TXNDC9: variants seen among roughly 807,000 people sequenced by gnomAD.
The protein encoded by TXNDC9 is thioredoxin domain containing 9, also known as thioredoxin domain-containing protein 9.
Under a neutral mutation model 23.0 loss-of-function variants are expected in TXNDC9, and 7 were observed. That is an observed-to-expected ratio of 0.30 (90% confidence interval 0.17 to 0.57). TXNDC9 has a LOEUF of 0.57. Among genes scored for constraint, TXNDC9 ranks in the 20% least tolerant of loss-of-function variants. The probability of loss-of-function intolerance (pLI) is 0.90; values close to 1 mark genes in which losing one functional copy is unlikely to be tolerated. For missense variants in TXNDC9, 198 were observed against 252.6 expected, an observed-to-expected ratio of 0.78 and a Z score of 1.47; for synonymous variants, 72 against 90.6, an observed-to-expected ratio of 0.79 and a Z score of 1.17.
At chr2:99,316,932 A>G (rs538865170), downstream of TXNDC9, among the ~76,000 whole-genome samples, 1 of 151,994 alleles carries the variant, frequency 6.6e-6, no homozygotes, top group South Asian at 2.1e-4. Context: ...AATTTTTTGT[A>G]TTTTTAGTAG....
chr2:99,319,918 G>C (rs2094197530), intron 4 of TXNDC9, 119 bp from the exon 5 acceptor site: 2 of 654,366 alleles, frequency 3.1e-6, no homozygotes, highest in Non-Finnish European at 5.1e-6. Flanking sequence ...TAAAATGCTG[G>C]TGTCAGGGAA....
chr2:99,336,309 C>T lies in TXNDC9; in HGVS notation c.-103G>A. On this transcript the variant is annotated 5_prime_UTR_variant, in exon 1 of 5. Transcript: ENST00000264255. ...AAAGACACGTCCACTCCGGCTTTTG[C>T]CTTGCAGTAGCTGCCGGCGGCTGCA... 1.0e-6 allele frequency: 1 copy of T among 985,534 alleles called. No homozygotes were observed. The highest frequency in any genetic ancestry group is 5.2e-4 in the Middle Eastern group (1 of 1,914). The allele number at this position is 985,534 out of a possible 1,614,324, so 61.0% of individuals were successfully genotyped here. A position where few individuals can be genotyped will look rare whatever the true frequency, so the allele number is the denominator to read the frequency against.
chr2:99,319,005 T>C lies in TXNDC9; in HGVS notation c.*677A>G, dbSNP rs1261982835. 6.6e-6 allele frequency: 1 copy of C among 152,274 alleles called. No homozygotes were observed. The highest frequency in any genetic ancestry group is 1.9e-4 in the East Asian group (1 of 5,200). 9.4% of individuals were successfully genotyped at this position (152,274 alleles called of 1,614,324 possible). ...TGTTTTTGTTGGATGTATGCTTTTA[T>C]GACAATTTCCACATAAACTTCCAGT... is the stretch of plus-strand genomic sequence containing the variant. On this transcript the variant is annotated 3_prime_UTR_variant, in exon 5 of 5. Coordinates refer to ENST00000264255, the MANE Select transcript of TXNDC9 (RefSeq NM_005783.4).
downstream of TXNDC9, among the ~76,000 whole-genome samples, chr2:99,315,211 T>TG (rs1559231202): frequency 6.6e-6 from 1 of 151,848 alleles, no homozygotes; most frequent in Non-Finnish European, 1.5e-5. Context: ...TACAGGCGCA[T>TG]GCCACCATAC....
In TXNDC9 at chr2:99,327,555, G is replaced by A; in HGVS notation, c.288C>T (p.Phe96=). 1 of 1,612,420 alleles carries A rather than the reference G, an allele frequency of 6.2e-7. No homozygotes were observed. The highest frequency in any genetic ancestry group is 8.5e-7 in the Non-Finnish European group (1 of 1,179,058). ...GTTACCTGAATGTGGAGTCTCTGTAGAAATGGCAAACCACATTTTCACTCT... is the reference window on the plus strand; with the variant it reads ...GTTACCTGAATGTGGAGTCTCTGTAAAAATGGCAAACCACATTTTCACTCT... ...VKESENVVCH[F]YRDSTFRCKI... Residue 96 remains phenylalanine, a synonymous_variant, in exon 3 of 5, where the codon TTC becomes TTT. Transcript: ENST00000264255.
chr2:99,317,236 T>C (rs2094191309), downstream of TXNDC9, among the ~76,000 whole-genome samples: 1 of 152,238 alleles, frequency 6.6e-6, no homozygotes, highest in African/African-American at 2.4e-5. Context: ...TGATTGCTTT[T>C]TCGCTCCTTG....
chr2:99,325,773 G>A (rs1435115614), intron 3 of TXNDC9, among the ~76,000 whole-genome samples: 1 of 152,170 alleles, frequency 6.6e-6, no homozygotes, highest in Non-Finnish European at 1.5e-5. Flanking sequence ...CACTTTGGGA[G>A]GCCAAGGTGG....
the TXNDC9 span, among the ~76,000 whole-genome samples, chr2:99,307,106 C>T: frequency 4.9e-5 from 6 of 121,860 alleles, no homozygotes; most frequent in Admixed American, 3.2e-4. Flanking sequence ...CTCTCTCCTT[C>T]TCACTCTCTC....
intron 2 of TXNDC9, 29 bp downstream of exon 2, chr2:99,332,993 A>C (rs1449673669): frequency 6.4e-7 from 1 of 1,568,496 alleles, no homozygotes; most frequent in African/African-American, 1.4e-5. Flanking sequence ...CTGTTATAGC[A>C]ATTTCAGAAA....
intron 2 of TXNDC9, among the ~76,000 whole-genome samples, chr2:99,332,296 A>G (rs1490720931): frequency 2.6e-5 from 4 of 152,156 alleles, no homozygotes; most frequent in African/African-American, 9.7e-5. Context: ...TACAAAACTT[A>G]GCCAGGCATG....
At chr2:99,321,723 G>A (rs560038551) in intron 4 of TXNDC9, 4 of 475,982 alleles carry the variant, frequency 8.4e-6, no homozygotes, top group South Asian at 6.3e-5. Flanking sequence ...TCAGGAGTAC[G>A]GTGAGACTCA....
Position 99,328,734 on chromosome 2 carries a change from G to T in TXNDC9, c.190-1081C>A, listed in dbSNP as rs1049869362. On this transcript the variant is annotated intron_variant, in intron 2 of 4. Transcript: ENST00000264255. ...CTGATGCCTGTAATCCCAGCACCTT[G>T]GGAGGCTGAGGCGGCTGGATCACCT... 2.0e-5 allele frequency among the ~76,000 whole-genome samples: 3 copies of T among 152,128 alleles called. No individual in the cohort carries two copies. The East Asian group carries it at 5.8e-4, about 29-fold the overall frequency.
At chr2:99,318,155 T>C (rs898793274), downstream of TXNDC9, among the ~76,000 whole-genome samples, 1 of 152,354 alleles carries the variant, frequency 6.6e-6, no homozygotes, top group African/African-American at 2.4e-5. Flanking sequence ...CCTCCCCAAG[T>C]GCTGGGATTA....
downstream of TXNDC9, among the ~76,000 whole-genome samples, chr2:99,316,117 CTTTTTT>C (rs57142545): frequency 7.4e-6 from 1 of 135,984 alleles, no homozygotes; most frequent in Admixed American, 7.3e-5. Context: ...ATTTCTTTTT[CTTTTTT>C]TTTTTTTTTT....
intron 3 of TXNDC9, among the ~76,000 whole-genome samples, chr2:99,326,428 T>C (rs1382355278): frequency 6.6e-6 from 1 of 152,230 alleles, no homozygotes; most frequent in Admixed American, 6.5e-5. Context: ...TTGTCTGTCC[T>C]GGGTAGGCAG....
intron 3 of TXNDC9, among the ~76,000 whole-genome samples, chr2:99,324,161 A>G (rs2094208570): frequency 6.6e-6 from 1 of 152,162 alleles, no homozygotes; most frequent in South Asian, 2.1e-4. Flanking sequence ...TCAACTTTTA[A>G]AATATCCAGA....
rs1473901156 is a variant in TXNDC9, at chr2:99,333,094, C to T, written c.117G>A (p.Met39Ile). ...LDSEIQKLDQ[M>I]DEDELERLKE... ...TAAGGCGTTCCAATTCATCCTCATCCATCTGATCCAGTTTTTGAATTTCAG... is the reference window on the plus strand; with the variant it reads ...TAAGGCGTTCCAATTCATCCTCATCTATCTGATCCAGTTTTTGAATTTCAG... The change falls in exon 2 of 5, where the codon ATG (methionine) becomes ATA (isoleucine). Residue 39 changes from methionine (M) to isoleucine (I), a missense_variant. Met to Ile is a conservative substitution (Grantham distance 10). Transcript: ENST00000264255. 1 of 1,614,062 alleles carries T rather than the reference C, an allele frequency of 6.2e-7. No individual in the cohort carries two copies.
At chr2:99,322,257 C>CT in intron 3 of TXNDC9, 48 bp from the exon 4 acceptor site, 4 of 1,563,434 alleles carry the variant, frequency 2.6e-6, no homozygotes, top group South Asian at 2.4e-5. Context: ...CCACAGATCG[C>CT]TTTTTTCAAA....
chr2:99,312,740 G>T, the TXNDC9 span, among the ~76,000 whole-genome samples: 1 of 152,186 alleles, frequency 6.6e-6, no homozygotes, highest in Non-Finnish European at 1.5e-5. Context: ...AATCTTGAAA[G>T]AAGTTATCTG....
Sources: gnomAD v4.1 joint callset for allele counts (sites outside exome capture counted in the v4.1 genomes callset) on GRCh38, gnomAD v4.1.1 for gene constraint, MANE v1.5 for transcripts, NCBI Gene and HGNC (gene_info 2026-07-23, HGNC 2026-07-21) for gene names.